Variants in NRXN3 observed in about 807,000 individuals in gnomAD.
NRXN3 encodes the protein neurexin 3.
A neutral mutation model predicts 137.6 loss-of-function variants in NRXN3; 32 were observed. The observed-to-expected ratio is 0.23, with a 90% CI of 0.18 to 0.31. The LOEUF (loss-of-function observed/expected upper bound fraction) is 0.31. NRXN3 is among the 10% of genes least tolerant of loss of function. The pLI is 1.00. For missense variants in NRXN3, 1,574 were observed against 2,062.5 expected (o/e 0.76, Z 4.59); for synonymous variants, 798 against 784.5 (o/e 1.02, Z -0.29).
chr14:79,459,179 A>G (rs1288781813), intron 15 of NRXN3, among the ~76,000 whole-genome samples: 1 of 152,096 alleles, frequency 6.6e-6, no homozygotes, highest in Non-Finnish European at 1.5e-5. Context: ...ACCTTATTCT[A>G]TAGCTTCCCT....
chr14:79,245,222 C>T (rs2074977630), intron 15 of NRXN3, among the ~76,000 whole-genome samples: 1 of 152,174 alleles, frequency 6.6e-6, no homozygotes, highest in Non-Finnish European at 1.5e-5. Context: ...ACTGCTGCCC[C>T]TGAACAGCCT....
chr14:79,628,558 C>A (rs572756232), intron 16 of NRXN3, among the ~76,000 whole-genome samples: 1 of 152,150 alleles, frequency 6.6e-6, no homozygotes, highest in South Asian at 2.1e-4. Context: ...CTTGTGAGGG[C>A]AGATATTGGA....
Position 78,525,149 on chromosome 14 carries a change from G to C in NRXN3, c.758-119971G>C, listed in dbSNP as rs1016229560. Reference sequence around the variant, plus strand: ...CAAAGTGGGGTTCTTGGAATTCTTAGAAAATGGGGAGGACCCTTTGCACAG... The same window carrying C: ...CAAAGTGGGGTTCTTGGAATTCTTACAAAATGGGGAGGACCCTTTGCACAG... On this transcript the variant is annotated intron_variant, in intron 4 of 20. Coordinates refer to ENST00000335750, the MANE Select transcript of NRXN3 (RefSeq NM_001330195.2). Among the ~76,000 whole-genome samples the C allele has an allele frequency of 2.6e-5, 4 of 152,298 alleles. No homozygotes were observed. The East Asian group carries it at 7.7e-4, about 29-fold the overall frequency.
intron 4 of NRXN3, among the ~76,000 whole-genome samples, chr14:78,536,252 G>C (rs563405698): frequency 6.6e-6 from 1 of 152,294 alleles, no homozygotes; most frequent in East Asian, 1.9e-4. Flanking sequence ...ACAATGGCTG[G>C]TGTTGTTTTC....
intron 10 of NRXN3, among the ~76,000 whole-genome samples, chr14:78,919,955 G>A (rs960303878): frequency 2.0e-5 from 3 of 152,076 alleles, no homozygotes; most frequent in African/African-American, 7.2e-5. Context: ...CTCTGAAAAT[G>A]GCAATATACG....
chr14:78,738,895 TGTG>T, intron 8 of NRXN3, among the ~76,000 whole-genome samples: 1 of 152,274 alleles, frequency 6.6e-6, no homozygotes, highest in Non-Finnish European at 1.5e-5. Context: ...GCCTTGACCA[TGTG>T]GTGCTCGTGT....
rs544900053 is a variant in NRXN3 at position 79,284,573 on chromosome 14, T to G, written c.3263-182648T>G. On this transcript the variant is annotated intron_variant, in intron 15 of 20. Transcript: ENST00000335750. ...ATGGAACTCTTGGAAAGCTCAGTTT[T>G]AAAAGGGAACACACCACGCTATATT... is the stretch of plus-strand genomic sequence containing the variant. Among the ~76,000 whole-genome samples the G allele has an allele frequency of 5.9e-5, 9 of 151,864 alleles. No individual in the cohort carries two copies. In the East Asian group the frequency reaches 1.2e-3, roughly 20 times the overall value.
intron 15 of NRXN3, among the ~76,000 whole-genome samples, chr14:79,259,176 T>C (rs1046431931): frequency 3.3e-5 from 5 of 152,164 alleles, no homozygotes; most frequent in Admixed American, 1.3e-4. Context: ...CAGCATCCCA[T>C]CTTAGTTTGT....
chr14:79,773,839 A>G (rs1470603702), intron 19 of NRXN3, among the ~76,000 whole-genome samples: 1 of 151,450 alleles, frequency 6.6e-6, no homozygotes, highest in Non-Finnish European at 1.5e-5. Flanking sequence ...ACAAAAAAAA[A>G]AAAAGAAATC....
rs116363548 is a variant in NRXN3 at position 78,749,285 on chromosome 14, A to T, written c.2044+34146A>T. Among the ~76,000 whole-genome samples, 669 of 152,342 alleles carry T rather than the reference A, an allele frequency of 4.4e-3. 2 individuals carry two copies. The highest frequency in any genetic ancestry group is 0.015 in the African/African-American group (632 of 41,578). ...AAGTTGACAAATGAGAAACAAATCC[A>T]ATCTCACCAGCCAATCGGGACTCAT... On this transcript the variant is annotated intron_variant, in intron 8 of 20. Transcript: ENST00000335750.
At chr14:78,494,957 ACT>A (rs2095747248) in intron 4 of NRXN3, among the ~76,000 whole-genome samples, 1 of 151,862 alleles carries the variant, frequency 6.6e-6, no homozygotes, top group African/African-American at 2.4e-5. Context: ...TGAGTAACTC[ACT>A]CTGAAGAAAA....
chr14:78,394,046 T>C (rs1473540226), intron 4 of NRXN3, among the ~76,000 whole-genome samples: 2 of 151,980 alleles, frequency 1.3e-5, no homozygotes, highest in Non-Finnish European at 2.9e-5. Context: ...TATCTGCAAA[T>C]AATGACAGTT....
chr14:78,223,163 T>C (rs1346669952), intron 1 of NRXN3, among the ~76,000 whole-genome samples: 1 of 152,220 alleles, frequency 6.6e-6, no homozygotes, highest in Non-Finnish European at 1.5e-5. Flanking sequence ...CGTGAAAATG[T>C]TTCAGACCTC....
At chr14:78,262,727 A>T (rs544590442) in intron 2 of NRXN3, among the ~76,000 whole-genome samples, 1 of 152,166 alleles carries the variant, frequency 6.6e-6, no homozygotes, top group Non-Finnish European at 1.5e-5. Context: ...GTTGCCAGGG[A>T]CATTTATGTT....
At chr14:78,251,796 A>G (rs941283436) in intron 2 of NRXN3, among the ~76,000 whole-genome samples, 5 of 152,164 alleles carry the variant, frequency 3.3e-5, no homozygotes, top group African/African-American at 1.2e-4. Context: ...AGACAGAGGG[A>G]TCACTCTAGT....
intron 1 of NRXN3, among the ~76,000 whole-genome samples, chr14:78,226,491 AAG>A (rs2064692237): frequency 6.6e-6 from 1 of 152,192 alleles, no homozygotes; most frequent in Non-Finnish European, 1.5e-5. Flanking sequence ...GTATTTTAAA[AAG>A]AGAGAGAGTT....
intron 4 of NRXN3, among the ~76,000 whole-genome samples, chr14:78,458,915 A>G (rs1327385793): frequency 6.6e-6 from 1 of 152,224 alleles, no homozygotes; most frequent in Non-Finnish European, 1.5e-5. Flanking sequence ...GGGGAATCCT[A>G]CATCAGAATA....
chr14:78,511,050 C>A (rs2096095759), intron 4 of NRXN3, among the ~76,000 whole-genome samples: 1 of 152,128 alleles, frequency 6.6e-6, no homozygotes, highest in Non-Finnish European at 1.5e-5. Context: ...TCTTCCATAA[C>A]CCAGTGCCTT....
rs572787044 is a variant in NRXN3, at chr14:78,742,787, C to T, written c.2044+27648C>T. On this transcript the variant is annotated intron_variant, in intron 8 of 20. Coordinates refer to ENST00000335750, the MANE Select transcript of NRXN3 (RefSeq NM_001330195.2). ...TGTATGTAAATAAAAGTTTAAGCTTCTCTTTATAATAATTTATCACAGGAA... is the reference window on the plus strand; with the variant it reads ...TGTATGTAAATAAAAGTTTAAGCTTTTCTTTATAATAATTTATCACAGGAA... 4.0e-4 allele frequency among the ~76,000 whole-genome samples: 61 copies of T among 152,264 alleles called. 1 individual carries two copies. In the South Asian group the frequency reaches 0.012, roughly 31 times the overall value.
Sources: allele counts gnomAD v4.1 joint callset (sites outside exome capture counted in the v4.1 genomes callset), GRCh38; gene constraint gnomAD v4.1.1; transcripts MANE v1.5; gene names NCBI Gene and HGNC (gene_info 2026-07-23, HGNC 2026-07-21).